WDR7: variants seen among roughly 807,000 people sequenced by gnomAD.
WDR7 encodes WD repeat domain 7.
Under a neutral mutation model 169.4 loss-of-function variants are expected in WDR7, and 46 were observed. The observed-to-expected ratio is 0.27, with a 90% CI of 0.21 to 0.35. WDR7 has a LOEUF of 0.35. WDR7 is among the 10% of genes least tolerant of loss of function. WDR7 has a pLI of 1.00. For missense variants in WDR7, 1,534 were observed against 1,859.3 expected (o/e 0.83, Z 3.22); for synonymous variants, 612 against 666.8 (o/e 0.92, Z 1.27).
intron 21 of WDR7, among the ~76,000 whole-genome samples, chr18:56,906,745 T>C (rs140294069): frequency 0.011 from 1,619 of 152,264 alleles, 34 homozygotes; most frequent in African/African-American, 0.034. Flanking sequence ...TTTCACCATG[T>C]TGGCCAGGCT....
the WDR7 span, chr18:57,035,148 G>A: frequency 7.2e-5 from 11 of 152,218 alleles, no homozygotes; most frequent in Non-Finnish European, 1.6e-4. Context: ...CCCCACTGGA[G>A]TGACTTGGGT....
chr18:56,746,620 T>C (rs1308412352), intron 14 of WDR7, among the ~76,000 whole-genome samples: 1 of 152,196 alleles, frequency 6.6e-6, no homozygotes, highest in Non-Finnish European at 1.5e-5. Context: ...TCAAGTATAA[T>C]ACAGCCAGAT....
chr18:56,994,154 G>GGACT (rs1258967936), intron 26 of WDR7, among the ~76,000 whole-genome samples: 1 of 151,846 alleles, frequency 6.6e-6, no homozygotes, highest in East Asian at 1.9e-4. Context: ...CAAGTAGCTA[G>GGACT]GACTACAGGC....
At chr18:56,967,316 G>A (rs2047424007) in intron 26 of WDR7, among the ~76,000 whole-genome samples, 1 of 152,072 alleles carries the variant, frequency 6.6e-6, no homozygotes, top group African/African-American at 2.4e-5. Flanking sequence ...CAATTCAGTA[G>A]TTAAGGTCCT....
intron 13 of WDR7, among the ~76,000 whole-genome samples, chr18:56,729,454 G>A (rs758847502): frequency 2.6e-5 from 4 of 152,010 alleles, no homozygotes; most frequent in Non-Finnish European, 5.9e-5. Context: ...TTCTGTGACT[G>A]TAATATCCCT....
intron 16 of WDR7, 65 bp from the exon 17 acceptor site, chr18:56,776,717 C>CA: frequency 7.0e-7 from 1 of 1,437,366 alleles, no homozygotes. Context: ...TAATACTAAG[C>CA]TTTTTTTCAG....
intron 14 of WDR7, among the ~76,000 whole-genome samples, chr18:56,746,380 G>T (rs919209177): frequency 2.6e-5 from 4 of 152,176 alleles, no homozygotes; most frequent in African/African-American, 9.7e-5. Context: ...TAGAAAGGAC[G>T]GGGTAGGAAA....
At chr18:56,985,543 C>T (rs1359834797) in intron 26 of WDR7, among the ~76,000 whole-genome samples, 1 of 152,048 alleles carries the variant, frequency 6.6e-6, no homozygotes, top group African/African-American at 2.4e-5. Context: ...TTCCAAGATA[C>T]ATTTTAACTT....
intron 12 of WDR7, among the ~76,000 whole-genome samples, chr18:56,710,301 C>A (rs980604577): frequency 1.3e-5 from 2 of 152,040 alleles, no homozygotes; most frequent in Admixed American, 1.3e-4. Context: ...CCGTGCCTGG[C>A]CAATTAATAT....
chr18:56,768,933 T>A (rs2044110147), intron 16 of WDR7, among the ~76,000 whole-genome samples: 2 of 152,214 alleles, frequency 1.3e-5, no homozygotes, highest in Non-Finnish European at 2.9e-5. Context: ...ATAGTTCAGC[T>A]TATATAATTT....
intron 20 of WDR7, among the ~76,000 whole-genome samples, chr18:56,841,424 A>T (rs1334864285): frequency 6.6e-6 from 1 of 151,442 alleles, no homozygotes; most frequent in Non-Finnish European, 1.5e-5. Flanking sequence ...TGTGCCTATA[A>T]TCGCAGCTAC....
At chr18:57,012,617 C>G (rs1460502446) in intron 26 of WDR7, among the ~76,000 whole-genome samples, 1 of 152,202 alleles carries the variant, frequency 6.6e-6, no homozygotes, top group African/African-American at 2.4e-5. Flanking sequence ...TGGGGCTGCA[C>G]CCAGCCTCCA....
chr18:56,761,044 A>G (rs537715383), intron 16 of WDR7, among the ~76,000 whole-genome samples: 5 of 152,222 alleles, frequency 3.3e-5, no homozygotes, highest in East Asian at 3.9e-4. Context: ...ATATTTTTCT[A>G]TTAGACCCAG....
intron 22 of WDR7, among the ~76,000 whole-genome samples, chr18:56,934,515 C>G (rs2046931724): frequency 6.6e-6 from 1 of 151,938 alleles, no homozygotes; most frequent in Non-Finnish European, 1.5e-5. Flanking sequence ...AAGGAAAACT[C>G]TCCATAGTTC....
At chr18:56,679,749 C>T (rs1034866625) in intron 3 of WDR7, among the ~76,000 whole-genome samples, 1 of 152,152 alleles carries the variant, frequency 6.6e-6, no homozygotes, top group Non-Finnish European at 1.5e-5. Flanking sequence ...AGTTGCCAGA[C>T]AACTTTGAGA....
chr18:56,748,463 G>A (rs963008218), intron 14 of WDR7, among the ~76,000 whole-genome samples: 2 of 151,970 alleles, frequency 1.3e-5, no homozygotes, highest in African/African-American at 4.8e-5. Context: ...AGTAAGACAT[G>A]GTCTACAGAA....
chr18:56,991,143 A>ATTTTTTTTTTTTT (rs60092817), intron 26 of WDR7, among the ~76,000 whole-genome samples: 1 of 110,734 alleles, frequency 9.0e-6, no homozygotes, highest in African/African-American at 3.7e-5. Flanking sequence ...CCTTCTCCTC[A>ATTTTTTTTTTTTT]TTTTTTTTTT....
At chr18:56,805,246 C>G (rs1237902169) in intron 19 of WDR7, among the ~76,000 whole-genome samples, 4 of 152,126 alleles carry the variant, frequency 2.6e-5, no homozygotes, top group African/African-American at 9.7e-5. Context: ...CATTTAATTT[C>G]CAAGTGAAGA....
chr18:56,665,780 G>A (rs149284715), intron 1 of WDR7, among the ~76,000 whole-genome samples: 62 of 152,256 alleles, frequency 4.1e-4, no homozygotes, highest in Non-Finnish European at 7.1e-4. Context: ...TCCCTGGTGA[G>A]CGGACTCTGA....
Sources: gnomAD v4.1 joint callset for allele counts (sites outside exome capture counted in the v4.1 genomes callset) on GRCh38, gnomAD v4.1.1 for gene constraint, MANE v1.5 for transcripts, NCBI Gene and HGNC (gene_info 2026-07-23, HGNC 2026-07-21) for gene names.